The following FRRS1L variants were observed in gnomAD, a reference collection of about 807,000 sequenced individuals.
FRRS1L encodes the protein DOMON domain-containing protein FRRS1L.
A neutral mutation model predicts 28.6 loss-of-function variants in FRRS1L; 22 were observed. The ratio of observed to expected loss-of-function variants is 0.77; its 90% CI spans 0.55 to 1.10. The LOEUF (loss-of-function observed/expected upper bound fraction) is 1.10, where lower values mean the gene tolerates loss of function less well. Ranked by LOEUF, FRRS1L falls within the 50% of genes least tolerant of loss-of-function variation. The pLI is 0.00. For synonymous variants in FRRS1L, 158 were observed against 151.4 expected, an observed-to-expected ratio of 1.04 and a Z score of -0.32; for missense variants, 380 against 386.9, an observed-to-expected ratio of 0.98 and a Z score of 0.15.
Position 109,131,982 on chromosome 9 carries a change from A to ATTTTATTTTATTTTATTTTAT in FRRS1L, c.*5472_*5473insATAAAATAAAATAAAATAAAA, listed in dbSNP as rs1244847111. 3 of 77,904 alleles carry ATTTTATTTTATTTTATTTTAT rather than the reference A, an allele frequency of 3.9e-5. No individual in the cohort carries two copies. Among genetic ancestry groups the ATTTTATTTTATTTTATTTTAT allele is most frequent in the Admixed American group, 1.1e-4 (1 of 9,094 alleles). The allele number at this position is 77,904 out of a possible 1,614,324, so 4.8% of individuals were successfully genotyped here. On this transcript the variant is annotated 3_prime_UTR_variant, in exon 5 of 5. Coordinates refer to ENST00000561981, the MANE Select transcript of FRRS1L (RefSeq NM_014334.4). ...TATTTTATTTTATTTTATTTTATTTATTTATTTTTTAGACGGAGTCTTGCT... is the reference window on the plus strand; with the variant it reads ...TATTTTATTTTATTTTATTTTATTTATTTTATTTTATTTTATTTTATTTTATTTTTTAGACGGAGTCTTGCT...
At position 109,141,469 on chromosome 9, in the gene FRRS1L, C is replaced by A. The variant is rs1035742818; in HGVS notation, c.583G>T (p.Gly195Ter). 5.0e-6 allele frequency: 8 copies of A among 1,613,942 alleles called. No individual in the cohort carries two copies. Among genetic ancestry groups the A allele is most frequent in the African/African-American group, 1.3e-5 (1 of 74,912 alleles). ...IQRNPARDEE[G>*]VFENNRVTCR... ...GTGACGCGATTGTTCTCAAAAACTC[C>A]TTCTTCATCTCTGGCAGGGTTTCTC... Residue 195 changes from glycine to a stop codon, truncating the protein, a stop_gained, in exon 4 of 5, where the codon GGA (glycine) becomes TGA (stop). Transcript: ENST00000561981. LOFTEE classifies it high-confidence loss of function.
chr9:109,162,406 C>T (rs1344436874), intron 1 of FRRS1L, among the ~76,000 whole-genome samples: 2 of 152,188 alleles, frequency 1.3e-5, no homozygotes, highest in African/African-American at 4.8e-5. Context: ...GGCAGGACAC[C>T]TTCTACCACT....
In FRRS1L at chr9:109,153,002, T is replaced by A. The variant is rs568909036; in HGVS notation, c.239-3282A>T. The stretch of plus-strand genomic sequence containing the variant: ...TGCTTCTAAAACTTGTAATAGGAAC[T>A]TGTGTTCTGTCAAATGCACTTGGAC... On this transcript the variant is annotated intron_variant, in intron 1 of 4. Coordinates refer to ENST00000561981, the MANE Select transcript of FRRS1L (RefSeq NM_014334.4). Among the ~76,000 whole-genome samples the A allele has an allele frequency of 3.3e-5, 5 of 152,200 alleles. No individual in the cohort carries two copies. The South Asian group carries it at 1.0e-3, about 32-fold the overall frequency.
intron 2 of FRRS1L, among the ~76,000 whole-genome samples, chr9:109,149,056 A>G (rs1456484227): frequency 6.6e-6 from 1 of 152,148 alleles, no homozygotes; most frequent in Non-Finnish European, 1.5e-5. Flanking sequence ...AAAGGGTTCA[A>G]AGGAGGAGGC....
intron 1 of FRRS1L, among the ~76,000 whole-genome samples, chr9:109,163,643 A>T (rs139107936): frequency 6.6e-6 from 1 of 152,240 alleles, no homozygotes; most frequent in East Asian, 1.9e-4. Context: ...GCTCTCTCTC[A>T]GTTTCAGTGG....
rs1466767835 is a variant in FRRS1L, at chr9:109,143,807, C to T, written c.463-2218G>A. 5.7e-4 allele frequency among the ~76,000 whole-genome samples: 87 copies of T among 152,124 alleles called. 1 individual carries two copies. The highest frequency in any genetic ancestry group is 5.7e-3 in the Admixed American group (87 of 15,290). On this transcript the variant is annotated intron_variant, in intron 3 of 4. Transcript: ENST00000561981. The stretch of plus-strand genomic sequence containing the variant: ...TGGGATTGTGAGCCACTGCGCCCGG[C>T]TAATAATGTACCATTTTTAAAAAGT...
At chr9:109,146,304 G>C (rs560415142) in intron 3 of FRRS1L, among the ~76,000 whole-genome samples, 6 of 152,246 alleles carry the variant, frequency 3.9e-5, no homozygotes, top group Non-Finnish European at 7.3e-5. Context: ...GAACAGAAGA[G>C]GGTGGTGGCA....
intron 1 of FRRS1L, among the ~76,000 whole-genome samples, chr9:109,159,309 A>G (rs1277176277): frequency 1.3e-5 from 2 of 152,074 alleles, no homozygotes; most frequent in African/African-American, 4.8e-5. Flanking sequence ...TGGCTGGCCA[A>G]AGTGCCCAGA....
At chr9:109,154,468 GCTT>G (rs1831378456) in intron 1 of FRRS1L, among the ~76,000 whole-genome samples, 1 of 152,134 alleles carries the variant, frequency 6.6e-6, no homozygotes, top group Non-Finnish European at 1.5e-5. Context: ...CAAAACTGTA[GCTT>G]ATTAGTACTT....
At chr9:109,150,126 A>G (rs1240535052) in intron 1 of FRRS1L, 2 of 154,182 alleles carry the variant, frequency 1.3e-5, no homozygotes, top group Non-Finnish European at 2.9e-5. Flanking sequence ...CCATTTATAT[A>G]CTTGATAACA....
chr9:109,143,838 G>A (rs969054470), intron 3 of FRRS1L, among the ~76,000 whole-genome samples: 1 of 151,894 alleles, frequency 6.6e-6, no homozygotes, highest in South Asian at 2.1e-4. Context: ...AAAGTTAAAC[G>A]CTTTTAAAAA....
Position 109,141,484 on chromosome 9 carries a change from C to T in FRRS1L, c.568G>A (p.Ala190Thr). 6 of 1,614,116 alleles carry T rather than the reference C, an allele frequency of 3.7e-6. No homozygotes were observed. Among genetic ancestry groups the T allele is most frequent in the Non-Finnish European group, 5.1e-6 (6 of 1,179,972 alleles). Residue 190 changes from alanine (A) to threonine (T), a missense_variant, in exon 4 of 5, where the codon GCC becomes ACC. By Grantham distance (58) the Ala-to-Thr change is moderately conservative. Transcript: ENST00000561981. ...QWAKEIQRNPARDEEGVFENN... is the reference protein window; with the variant it reads ...QWAKEIQRNPTRDEEGVFENN... ...TCAAAAACTCCTTCTTCATCTCTGG[C>T]AGGGTTTCTCTGAATCTCCTTTGCC...
chr9:109,158,718 T>C (rs955891611), intron 1 of FRRS1L, among the ~76,000 whole-genome samples: 2 of 152,246 alleles, frequency 1.3e-5, no homozygotes, highest in Non-Finnish European at 2.9e-5. Context: ...ATCAACCACA[T>C]GTGTATATCC....
At chr9:109,163,720 A>T (rs1831507417) in intron 1 of FRRS1L, among the ~76,000 whole-genome samples, 1 of 152,102 alleles carries the variant, frequency 6.6e-6, no homozygotes, top group Non-Finnish European at 1.5e-5. Flanking sequence ...TTTCATGACT[A>T]TTTGAGACAT....
rs369709744 is a variant in FRRS1L at position 109,133,530 on chromosome 9, A to G, written c.*3925T>C. 2.9e-4 allele frequency: 44 copies of G among 152,348 alleles called. 1 individual carries two copies. In the South Asian group the frequency reaches 8.7e-3, roughly 30 times the overall value. 9.4% of individuals were successfully genotyped at this position (152,348 alleles called of 1,614,324 possible). ...AAGGTGCATGAATGTGTAGGAAATCATATCACCTCCTTAGGCTTCAGCTGC... is the reference window on the plus strand; with the variant it reads ...AAGGTGCATGAATGTGTAGGAAATCGTATCACCTCCTTAGGCTTCAGCTGC... On this transcript the variant is annotated 3_prime_UTR_variant, in exon 5 of 5. Coordinates refer to ENST00000561981, the MANE Select transcript of FRRS1L (RefSeq NM_014334.4).
At chr9:109,153,581 T>C (rs1338627091) in intron 1 of FRRS1L, among the ~76,000 whole-genome samples, 1 of 152,118 alleles carries the variant, frequency 6.6e-6, no homozygotes, top group Admixed American at 6.5e-5. Context: ...TTTCCCTGAG[T>C]TCTGTGAAAC....
Position 109,167,065 on chromosome 9 carries a change from G to A in FRRS1L, c.74C>T (p.Ala25Val). 1 of 1,178,668 alleles carries A rather than the reference G, an allele frequency of 8.5e-7. No homozygotes were observed. 73.0% of individuals were successfully genotyped at this position (1,178,668 alleles called of 1,614,324 possible). The change falls in exon 1 of 5, where the codon GCC becomes GTC. Residue 25 changes from alanine to valine, a missense_variant. By Grantham distance (64) the Ala-to-Val change is moderately conservative. Transcript: ENST00000561981. ...LLLLLLTGPA[A>V]CAASPADDGA... is the part of the protein sequence containing the mutation. ...GTCGTCCGCGGGGCTGGCTGCGCAG[G>A]CGGCGGGCCCCGTCAGTAGCAGCAG...
chr9:109,165,097 G>C (rs999998552), intron 1 of FRRS1L, among the ~76,000 whole-genome samples: 2 of 152,224 alleles, frequency 1.3e-5, no homozygotes, highest in Non-Finnish European at 2.9e-5. Flanking sequence ...AAGTCACCTG[G>C]CAGCACTAGG....
At chr9:109,149,458 A>G (rs1166127318) in intron 2 of FRRS1L, among the ~76,000 whole-genome samples, 178 bp downstream of exon 2, 1 of 152,214 alleles carries the variant, frequency 6.6e-6, no homozygotes, top group Non-Finnish European at 1.5e-5. Flanking sequence ...GACATACTAA[A>G]GTTAAAAGGC....
Sources: allele counts gnomAD v4.1 joint callset (sites outside exome capture counted in the v4.1 genomes callset), GRCh38; gene constraint gnomAD v4.1.1; transcripts MANE v1.5; gene names NCBI Gene and HGNC (gene_info 2026-07-23, HGNC 2026-07-21).